Variants in PPM1H observed in about 807,000 individuals in gnomAD.
The protein encoded by PPM1H is protein phosphatase, Mg2+/Mn2+ dependent 1H, also known as protein phosphatase 1H.
Under a neutral mutation model 54.9 loss-of-function variants are expected in PPM1H, and 27 were observed. The observed-to-expected ratio is 0.49, with a 90% CI of 0.36 to 0.68. PPM1H has a LOEUF of 0.68. PPM1H is among the 30% of genes least tolerant of loss of function. The pLI is 0.00. For synonymous variants in PPM1H, 305 were observed against 270.8 expected, an observed-to-expected ratio of 1.13 and a Z score of -1.24; for missense variants, 596 against 667.8, an observed-to-expected ratio of 0.89 and a Z score of 1.19.
intron 2 of PPM1H, among the ~76,000 whole-genome samples, chr12:62,817,757 G>A (rs145171258): frequency 3.3e-5 from 5 of 152,192 alleles, no homozygotes; most frequent in Non-Finnish European, 1.5e-5. Flanking sequence ...ACCTCAGTTC[G>A]GAAAGTTGAA....
intron 8 of PPM1H, among the ~76,000 whole-genome samples, chr12:62,683,041 TA>T (rs2076030299): frequency 7.8e-4 from 45 of 57,580 alleles, no homozygotes; most frequent in Non-Finnish European, 1.2e-3. Context: ...TATTTATTAT[TA>T]TTATTATTAT....
At chr12:62,897,492 T>C (rs1041854500) in intron 1 of PPM1H, among the ~76,000 whole-genome samples, 4 of 152,162 alleles carry the variant, frequency 2.6e-5, no homozygotes, top group Non-Finnish European at 5.9e-5. Context: ...AATAGACAGT[T>C]ATTGGAGCCT....
chr12:62,862,413 G>A (rs577839483), intron 1 of PPM1H, among the ~76,000 whole-genome samples: 18 of 152,316 alleles, frequency 1.2e-4, no homozygotes, highest in African/African-American at 4.3e-4. Context: ...ATGTCTGCGA[G>A]AGGCAAACTG....
At chr12:62,914,554 GA>G in intron 1 of PPM1H, among the ~76,000 whole-genome samples, 1 of 152,310 alleles carries the variant, frequency 6.6e-6, no homozygotes, top group Non-Finnish European at 1.5e-5. Flanking sequence ...GAGGGAAGGT[GA>G]TGGAGGGTTA....
At chr12:62,867,752 T>C (rs1357382304) in intron 1 of PPM1H, among the ~76,000 whole-genome samples, 2 of 151,484 alleles carry the variant, frequency 1.3e-5, no homozygotes, top group Non-Finnish European at 2.9e-5. Flanking sequence ...TATTTTTTTT[T>C]TTTCTGTATT....
chr12:62,669,969 C>CTTTTTTTTTTTTTTTT lies in PPM1H; in HGVS notation c.1246-2656_1246-2641dup, dbSNP rs1161094944. Reference sequence around the variant, plus strand: ...AAAATAGTGTTTAGAGGATTGATTCCTTTTTTTTTTTTTTTTTTTTTTTTT... The same window carrying CTTTTTTTTTTTTTTTT: ...AAAATAGTGTTTAGAGGATTGATTCCTTTTTTTTTTTTTTTTTTTTTTTTTTTTTTTTTTTTTTTTT... On this transcript the variant is annotated intron_variant, in intron 8 of 9. Transcript: ENST00000228705. Among the ~76,000 whole-genome samples, 18 of 46,426 alleles carry CTTTTTTTTTTTTTTTT rather than the reference C, an allele frequency of 3.9e-4. 6 individuals carry two copies. The highest frequency in any genetic ancestry group is 2.1e-3 in the African/African-American group (18 of 8,780). 30.5% of individuals were successfully genotyped at this position (46,426 alleles called of 152,430 possible).
At chr12:62,760,185 G>A (rs1248836559) in intron 4 of PPM1H, among the ~76,000 whole-genome samples, 2 of 152,150 alleles carry the variant, frequency 1.3e-5, no homozygotes, top group Admixed American at 1.3e-4. Context: ...TGTTTTACAA[G>A]ATCTAGATAA....
At chr12:62,672,180 G>A (rs1319469148) in intron 8 of PPM1H, among the ~76,000 whole-genome samples, 1 of 152,172 alleles carries the variant, frequency 6.6e-6, no homozygotes, top group Non-Finnish European at 1.5e-5. Context: ...GATCTACCCT[G>A]GAAGACTCTC....
chr12:62,654,199 CAGAG>C (rs1168206970), intron 9 of PPM1H, among the ~76,000 whole-genome samples: 2 of 109,838 alleles, frequency 1.8e-5, no homozygotes, highest in South Asian at 3.2e-4. Flanking sequence ...ATCTGGGTGA[CAGAG>C]AGAGACTCTT....
At chr12:62,914,972 C>T (rs180770136) in intron 1 of PPM1H, among the ~76,000 whole-genome samples, 5 of 152,342 alleles carry the variant, frequency 3.3e-5, no homozygotes, top group Admixed American at 3.3e-4. Context: ...GTTTCACTCC[C>T]ATATCTGCTA....
chr12:62,737,465 A>C (rs2076357027), intron 5 of PPM1H, 37 bp downstream of exon 5: 1 of 1,413,732 alleles, frequency 7.1e-7, no homozygotes, highest in Non-Finnish European at 9.7e-7. Context: ...GCCATCCCTG[A>C]TGCCACTGCC....
intron 3 of PPM1H, among the ~76,000 whole-genome samples, chr12:62,796,450 C>T (rs1484161838): frequency 2.6e-5 from 4 of 152,140 alleles, no homozygotes; most frequent in Non-Finnish European, 4.4e-5. Context: ...TCCTAAGGTT[C>T]GATTAATTTG....
rs2076771528 is a variant in PPM1H, at chr12:62,801,808, A to C, written c.756+8T>G. 1 of 1,613,234 alleles carries C rather than the reference A, an allele frequency of 6.2e-7. No individual in the cohort carries two copies. The highest frequency in any genetic ancestry group is 8.5e-7 in the Non-Finnish European group (1 of 1,179,428). ...GCCCTGCTGCCCCAGACTCCCAGGA[A>C]TACCTACCATTTCCTTGAATGCACT... On this transcript the variant is annotated splice_region_variant and intron_variant, in intron 3 of 9. Transcript: ENST00000228705.
At position 62,844,979 on chromosome 12, in the gene PPM1H, G is replaced by C. The variant is rs17098396; in HGVS notation, c.246-12700C>G. 0.039 allele frequency among the ~76,000 whole-genome samples: 5,981 copies of C among 152,292 alleles called. 138 individuals carry two copies. Among genetic ancestry groups the C allele is most frequent in the East Asian group, 0.082 (426 of 5,186 alleles). On this transcript the variant is annotated intron_variant, in intron 1 of 9. Transcript: ENST00000228705. The surrounding 1 kb of genome is among the most constrained non-coding windows in gnomAD (Gnocchi z 5.2). ...TGACCCCTAAACATTCTCCAGCAAAGAAGTAGCTGATAGATGTCAGAGCCT... is the reference window on the plus strand; with the variant it reads ...TGACCCCTAAACATTCTCCAGCAAACAAGTAGCTGATAGATGTCAGAGCCT...
intron 1 of PPM1H, among the ~76,000 whole-genome samples, chr12:62,911,849 T>G (rs1666870): frequency 0.62 from 93,590 of 151,852 alleles, 29,398 homozygotes; most frequent in Non-Finnish European, 0.68. Flanking sequence ...CACTGGTTGG[T>G]TAGCCCTCTC....
At chr12:62,858,388 TA>T (rs1869471916) in intron 1 of PPM1H, among the ~76,000 whole-genome samples, 1 of 152,218 alleles carries the variant, frequency 6.6e-6, no homozygotes, top group African/African-American at 2.4e-5. Flanking sequence ...GCCAGTTTAA[TA>T]AGCTAATTTA....
At chr12:62,890,714 G>GTA (rs1311251152) in intron 1 of PPM1H, among the ~76,000 whole-genome samples, 6 of 115,418 alleles carry the variant, frequency 5.2e-5, no homozygotes, top group African/African-American at 1.3e-4. Flanking sequence ...TCGTGTGTGT[G>GTA]TATACACACA....
intron 4 of PPM1H, among the ~76,000 whole-genome samples, chr12:62,743,266 T>C (rs1392663873): frequency 2.0e-5 from 3 of 152,010 alleles, no homozygotes; most frequent in Admixed American, 6.6e-5. Context: ...GGCAGGAGAA[T>C]TGCTTGAACC....
At chr12:62,728,217 A>C (rs1012719609) in intron 5 of PPM1H, among the ~76,000 whole-genome samples, 5 of 152,320 alleles carry the variant, frequency 3.3e-5, no homozygotes, top group African/African-American at 1.2e-4. Flanking sequence ...GGGACTCTAA[A>C]GAGCACAGAT....
Sources: allele counts gnomAD v4.1 joint callset (sites outside exome capture counted in the v4.1 genomes callset), GRCh38; gene constraint gnomAD v4.1.1; non-coding constraint Gnocchi (gnomAD v3.1); transcripts MANE v1.5; gene names NCBI Gene and HGNC (gene_info 2026-07-23, HGNC 2026-07-21).